The following MPHOSPH9 variants were observed in gnomAD, a reference collection of about 807,000 sequenced individuals.
MPHOSPH9 encodes the protein M-phase phosphoprotein 9.
A neutral mutation model predicts 145.5 loss-of-function variants in MPHOSPH9; 88 were observed. The ratio of observed to expected loss-of-function variants is 0.60; its 90% CI spans 0.51 to 0.72. MPHOSPH9 has a LOEUF of 0.72. Ranked by LOEUF, MPHOSPH9 falls within the 30% of genes least tolerant of loss-of-function variation. The pLI, the probability that MPHOSPH9 is intolerant of heterozygous loss-of-function variation, is 0.00. For missense variants in MPHOSPH9, 1,238 were observed against 1,386.6 expected (o/e 0.89, Z 1.70); for synonymous variants, 435 against 486.2 (o/e 0.89, Z 1.39).
downstream of MPHOSPH9, chr12:123,152,371 G>T (rs184325766): frequency 2.1e-5 from 7 of 335,980 alleles, no homozygotes; most frequent in East Asian, 4.9e-4. Context: ...AAGAAAGAGA[G>T]ATGGTCCCTG....
intron 15 of MPHOSPH9, among the ~76,000 whole-genome samples, chr12:123,178,969 T>C (rs1374227789): frequency 6.6e-6 from 1 of 152,254 alleles, no homozygotes; most frequent in Non-Finnish European, 1.5e-5. Flanking sequence ...AATGCTGTTT[T>C]CTTTTTGAAG....
At chr12:123,205,658 C>T (rs1021710147) in intron 8 of MPHOSPH9, among the ~76,000 whole-genome samples, 6 of 152,158 alleles carry the variant, frequency 3.9e-5, no homozygotes, top group Non-Finnish European at 5.9e-5. Flanking sequence ...AGTAGCATTA[C>T]TCCAGCTATG....
Position 123,221,433 on chromosome 12 carries a change from A to T in MPHOSPH9, c.811T>A (p.Phe271Ile), listed in dbSNP as rs374689887. Residue 271 changes from phenylalanine to isoleucine, a missense_variant, in exon 5 of 24, where the codon TTT (phenylalanine) becomes ATT (isoleucine). Around this residue, in one of 3 missense-constraint regions of MPHOSPH9, gnomAD observed 837 missense variants for 897.5 expected, o/e 0.93. Transcript: ENST00000606320. ...TTTTCACCAAGAAAATTATGTTCAA[A>T]TTCACCAGGAGAAATGGATACATCT... ...KEDVSISPGE[F>I]EHNFLGENKV... The T allele has an allele frequency of 1.6e-5, 26 of 1,611,550 alleles. No homozygotes were observed. Among genetic ancestry groups the T allele is most frequent in the Middle Eastern group, 1.7e-4 (1 of 6,050 alleles).
intron 6 of MPHOSPH9, among the ~76,000 whole-genome samples, chr12:123,217,142 C>T (rs1203668016): frequency 2.6e-5 from 4 of 151,934 alleles, no homozygotes; most frequent in Admixed American, 2.6e-4. Flanking sequence ...AAGGGCCATA[C>T]AGAATTTCAA....
chr12:123,186,779 G>A (rs144966390), intron 13 of MPHOSPH9, among the ~76,000 whole-genome samples: 183 of 152,124 alleles, frequency 1.2e-3, no homozygotes, highest in African/African-American at 2.6e-3. Flanking sequence ...TGGCCAATAT[G>A]GTGAAATCTC....
At chr12:123,214,025 G>A (rs2046856739) in intron 7 of MPHOSPH9, among the ~76,000 whole-genome samples, 1 of 152,014 alleles carries the variant, frequency 6.6e-6, no homozygotes, top group Middle Eastern at 3.2e-3. Context: ...AATTCATCCT[G>A]ATGAATTGGA....
chr12:123,223,634 T>C (rs2047308756), intron 3 of MPHOSPH9, among the ~76,000 whole-genome samples: 1 of 152,230 alleles, frequency 6.6e-6, no homozygotes, highest in Non-Finnish European at 1.5e-5. Flanking sequence ...GCTCTCACCA[T>C]GACTGCTGTC....
chr12:123,210,116 CAA>C lies in MPHOSPH9; in HGVS notation c.1132_1133del (p.Leu378AlafsTer2). On this transcript the variant is annotated frameshift_variant, in exon 8 of 24. Coordinates refer to ENST00000606320, the MANE Select transcript of MPHOSPH9 (RefSeq NM_022782.4). LOFTEE classifies it high-confidence loss of function. The part of the protein sequence containing the change: ...KLEEKDMHHS[L>X]PETLEKTFIS... ...TGAACGTCTTCTCTAAAGTTTCAGG[CAA>C]AGAGTGGTGCATATCCTTTTCCTCT... 1 of 1,611,374 alleles carries C rather than the reference CAA, an allele frequency of 6.2e-7. No individual in the cohort carries two copies. The highest frequency in any genetic ancestry group is 8.5e-7 in the Non-Finnish European group (1 of 1,178,614).
intron 7 of MPHOSPH9, among the ~76,000 whole-genome samples, chr12:123,210,591 C>G (rs930343314): frequency 1.3e-5 from 2 of 151,756 alleles, no homozygotes; most frequent in Non-Finnish European, 2.9e-5. Flanking sequence ...ACTTGGGAGG[C>G]TGAGGCATGA....
Position 123,218,425 on chromosome 12 carries a change from G to C in MPHOSPH9, c.947C>G (p.Ser316Ter). The change falls in exon 6 of 24, where the codon TCA becomes TGA. Residue 316 changes from serine (S) to a stop codon, truncating the protein, a stop_gained. Transcript: ENST00000606320. LOFTEE classifies it high-confidence loss of function. ...TTGCTCATTTCCTTGTTTAGATCTT[G>C]AACCTCCATCTTCTACATGTGCTCT... ...PKRAHVEDGG[S>*]RSKQGNEQSK... 6.2e-7 allele frequency: 1 copy of C among 1,613,990 alleles called. No homozygotes were observed. The highest frequency in any genetic ancestry group is 8.5e-7 in the Non-Finnish European group (1 of 1,179,922).
intron 3 of MPHOSPH9, 57 bp from the exon 4 acceptor site, chr12:123,223,184 G>T: frequency 1.8e-6 from 2 of 1,104,436 alleles, no homozygotes; most frequent in African/African-American, 1.6e-5. Flanking sequence ...ACATTTCACA[G>T]AACAATTCCT....
At chr12:123,232,410 A>G (rs1011086894) in intron 1 of MPHOSPH9, among the ~76,000 whole-genome samples, 1 of 152,206 alleles carries the variant, frequency 6.6e-6, no homozygotes, top group Non-Finnish European at 1.5e-5. Context: ...CAGAATGAAT[A>G]TAAGAGCAGA....
intron 13 of MPHOSPH9, among the ~76,000 whole-genome samples, chr12:123,186,364 G>A (rs1040509747): frequency 1.5e-4 from 22 of 151,598 alleles, no homozygotes; most frequent in Admixed American, 6.6e-4. Flanking sequence ...AAAGAAAAAA[G>A]TTTATATCTC....
intron 4 of MPHOSPH9, 117 bp from the exon 5 acceptor site, chr12:123,222,012 T>TATAATTCTAAA (rs2047219836): frequency 1.5e-6 from 1 of 686,350 alleles, no homozygotes; most frequent in African/African-American, 1.8e-5. Flanking sequence ...AAAGATAATG[T>TATAATTCTAAA]GATACTTTAT....
At chr12:123,164,248 G>T (rs2044222245) in intron 18 of MPHOSPH9, among the ~76,000 whole-genome samples, 158 bp from the exon 19 acceptor site, 1 of 152,192 alleles carries the variant, frequency 6.6e-6, no homozygotes, top group Non-Finnish European at 1.5e-5. Flanking sequence ...CTAGGTTATA[G>T]TGACTATTTG....
At chr12:123,194,813 G>C (rs1361615559) in intron 12 of MPHOSPH9, among the ~76,000 whole-genome samples, 1 of 151,652 alleles carries the variant, frequency 6.6e-6, no homozygotes, top group Non-Finnish European at 1.5e-5. Flanking sequence ...GTAGAGACAG[G>C]GTTTCACTAT....
intron 3 of MPHOSPH9, among the ~76,000 whole-genome samples, chr12:123,226,521 CTT>C (rs200868180): frequency 8.8e-4 from 127 of 144,878 alleles, no homozygotes; most frequent in African/African-American, 2.1e-3. Context: ...TTTATATATA[CTT>C]TTTTTTTTTT....
chr12:123,207,282 A>C (rs2046476885), intron 8 of MPHOSPH9, among the ~76,000 whole-genome samples: 1 of 152,122 alleles, frequency 6.6e-6, no homozygotes, highest in Non-Finnish European at 1.5e-5. Flanking sequence ...GATGTTCAAG[A>C]TCAGATAACA....
At chr12:123,230,921 A>T (rs574650648) in intron 1 of MPHOSPH9, among the ~76,000 whole-genome samples, 1 of 152,318 alleles carries the variant, frequency 6.6e-6, no homozygotes, top group Admixed American at 6.5e-5. Flanking sequence ...GAGTGAGTGC[A>T]GCTGGTATGG....
Sources: allele counts gnomAD v4.1 joint callset (sites outside exome capture counted in the v4.1 genomes callset), GRCh38; gene constraint gnomAD v4.1.1; regional missense constraint gnomAD v4.1.1; transcripts MANE v1.5; gene names NCBI Gene and HGNC (gene_info 2026-07-23, HGNC 2026-07-21).